Variants in ZNF487 observed in about 807,000 individuals in gnomAD.
The protein encoded by ZNF487 is KRAB domain only 1.
ZNF487 carries 4 observed loss-of-function variants against 3.0 expected under a neutral mutation model. That is an observed-to-expected ratio of 1.35 (90% CI 0.66 to 3.08). The LOEUF is 3.08. ZNF487 is among the 30% of genes most tolerant of loss of function. The pLI, the probability that ZNF487 is intolerant of heterozygous loss-of-function variation, is 0.01. For missense variants in ZNF487, 146 were observed against 98.7 expected, an observed-to-expected ratio of 1.48 and a Z score of -2.03; for synonymous variants, 55 against 34.6, an observed-to-expected ratio of 1.59 and a Z score of -2.06.
At chr10:43,510,475 A>C in the ZNF487 span, among the ~76,000 whole-genome samples, 1 of 152,134 alleles carries the variant, frequency 6.6e-6, no homozygotes, top group Non-Finnish European at 1.5e-5. Context: ...CCTTACCTCC[A>C]TTGTGGAGTA....
At chr10:43,455,744 C>T (rs1719740785) in intron 1 of ZNF487, among the ~76,000 whole-genome samples, 1 of 152,246 alleles carries the variant, frequency 6.6e-6, no homozygotes, top group Admixed American at 6.5e-5. Context: ...CCGAGCCCGC[C>T]GGAGGGCGGG....
chr10:43,494,865 A>G, the ZNF487 span, among the ~76,000 whole-genome samples: 8 of 141,994 alleles, frequency 5.6e-5, no homozygotes, highest in Non-Finnish European at 9.1e-5. Context: ...TGGACCTGGG[A>G]GGCAGAGGTT....
chr10:43,511,617 A>T, the ZNF487 span, among the ~76,000 whole-genome samples: 6 of 152,068 alleles, frequency 3.9e-5, no homozygotes, highest in Non-Finnish European at 1.5e-5. Flanking sequence ...CAAATAGGGC[A>T]CTCATCAGTG....
At chr10:43,441,181 G>C (rs531158616) in intron 1 of ZNF487, among the ~76,000 whole-genome samples, 3 of 151,046 alleles carry the variant, frequency 2.0e-5, no homozygotes, top group African/African-American at 7.3e-5. Flanking sequence ...GAGCCAGGCT[G>C]CTTTCAAACT....
At chr10:43,447,095 A>G (rs1428790223) in intron 1 of ZNF487, among the ~76,000 whole-genome samples, 1 of 151,924 alleles carries the variant, frequency 6.6e-6, no homozygotes, top group Non-Finnish European at 1.5e-5. Context: ...AGGCTGAGGC[A>G]GGAGAATCAG....
chr10:43,518,009 C>G, the ZNF487 span, among the ~76,000 whole-genome samples: 34 of 152,302 alleles, frequency 2.2e-4, no homozygotes, highest in African/African-American at 7.7e-4. Context: ...GTCGTCCTAG[C>G]ACTGGATGTC....
At chr10:43,505,194 T>C in the ZNF487 span, among the ~76,000 whole-genome samples, 1 of 152,128 alleles carries the variant, frequency 6.6e-6, no homozygotes, top group Admixed American at 6.5e-5. Context: ...TTTACCACTC[T>C]GGTTTGAATG....
At chr10:43,493,641 T>A in the ZNF487 span, among the ~76,000 whole-genome samples, 1 of 139,930 alleles carries the variant, frequency 7.1e-6, no homozygotes, top group South Asian at 2.3e-4. Context: ...CAGTGAGCCA[T>A]GATTGTGCCA....
At chr10:43,515,318 G>C in the ZNF487 span, among the ~76,000 whole-genome samples, 1 of 152,152 alleles carries the variant, frequency 6.6e-6, no homozygotes. Context: ...TGGCTCCTGA[G>C]GAAAATCAAC....
the ZNF487 span, among the ~76,000 whole-genome samples, chr10:43,491,374 A>G: frequency 6.6e-6 from 1 of 151,642 alleles, no homozygotes; most frequent in Non-Finnish European, 1.5e-5. Flanking sequence ...TTCTCCAGGT[A>G]CCTGTGTGGG....
the ZNF487 span, among the ~76,000 whole-genome samples, chr10:43,510,609 A>G: frequency 1.3e-5 from 2 of 151,964 alleles, no homozygotes; most frequent in African/African-American, 4.8e-5. Context: ...GTGCAATGGC[A>G]TGATCTTGGT....
At chr10:43,493,709 AATATATATATATATAT>A in the ZNF487 span, among the ~76,000 whole-genome samples, 58 of 43,694 alleles carry the variant, frequency 1.3e-3, no homozygotes, top group African/African-American at 4.3e-3. Flanking sequence ...AAAAAAAAAA[AATATATATATATATAT>A]ATATATATAT....
chr10:43,480,003 CTT>C (rs1302349077), intron 3 of ZNF487, among the ~76,000 whole-genome samples: 2 of 72,064 alleles, frequency 2.8e-5, no homozygotes, highest in African/African-American at 6.7e-5. Context: ...TTCTTTCTTT[CTT>C]TCTTTCTTTC....
At chr10:43,465,690 C>T (rs1840669579) in intron 1 of ZNF487, among the ~76,000 whole-genome samples, 1 of 151,868 alleles carries the variant, frequency 6.6e-6, no homozygotes, top group South Asian at 2.1e-4. Context: ...CAGAGACGCT[C>T]CTCACTTTCC....
chr10:43,453,168 CAG>C (rs1840063822), intron 1 of ZNF487: 1 of 151,996 alleles, frequency 6.6e-6, no homozygotes, highest in African/African-American at 2.4e-5. Context: ...GACTGGGAGA[CAG>C]AGGCCTTATC....
intron 1 of ZNF487, among the ~76,000 whole-genome samples, chr10:43,463,974 CA>C (rs894151120): frequency 5.3e-5 from 8 of 151,850 alleles, no homozygotes; most frequent in Non-Finnish European, 8.8e-5. Flanking sequence ...TGAGACACAA[CA>C]ATATTGAAAT....
At chr10:43,493,709 A>AAAAAAAAAAAAATATATATATATAT in the ZNF487 span, among the ~76,000 whole-genome samples, 1 of 43,700 alleles carries the variant, frequency 2.3e-5, no homozygotes, top group African/African-American at 8.7e-5. Flanking sequence ...AAAAAAAAAA[A>AAAAAAAAAAAAATATATATATATAT]ATATATATAT....
chr10:43,499,814 T>C, the ZNF487 span, among the ~76,000 whole-genome samples: 1 of 152,074 alleles, frequency 6.6e-6, no homozygotes, highest in Non-Finnish European at 1.5e-5. Context: ...TCTGAGTATA[T>C]AGCAAGTTGG....
At chr10:43,477,201 A>C (rs553104960) in intron 3 of ZNF487, among the ~76,000 whole-genome samples, 30 of 140,652 alleles carry the variant, frequency 2.1e-4, no homozygotes, top group East Asian at 1.5e-3. Context: ...TTCTTTCTTT[A>C]TTTCTTTTTT....
Sources: allele counts gnomAD v4.1 joint callset (sites outside exome capture counted in the v4.1 genomes callset), GRCh38; gene constraint gnomAD v4.1.1; transcripts MANE v1.5; gene names NCBI Gene and HGNC (gene_info 2026-07-23, HGNC 2026-07-21).